The following SLC10A7 variants were observed in gnomAD, a reference collection of about 807,000 sequenced individuals.
The protein encoded by SLC10A7 is sodium/bile acid cotransporter 7.
In SLC10A7, 29 loss-of-function variants were observed where a neutral mutation model predicts 43.2. That is an observed-to-expected ratio of 0.67 (90% CI 0.50 to 0.92). The LOEUF (loss-of-function observed/expected upper bound fraction) is 0.92. Ranked by LOEUF, SLC10A7 falls within the 40% of genes least tolerant of loss-of-function variation. The pLI is 0.00. For missense variants in SLC10A7, 295 were observed against 403.2 expected, an observed-to-expected ratio of 0.73 and a Z score of 2.30; for synonymous variants, 152 against 144.8, an observed-to-expected ratio of 1.05 and a Z score of -0.35.
intron 6 of SLC10A7, among the ~76,000 whole-genome samples, chr4:146,315,073 G>A (rs1232557283): frequency 1.3e-5 from 2 of 152,084 alleles, no homozygotes; most frequent in African/African-American, 4.8e-5. Context: ...TGTAGTTGGG[G>A]AGAAAGTATA....
intron 10 of SLC10A7, among the ~76,000 whole-genome samples, chr4:146,279,961 T>C (rs933198997): frequency 1.3e-5 from 2 of 151,396 alleles, no homozygotes; most frequent in Non-Finnish European, 3.0e-5. Context: ...GAGATCGAGA[T>C]AGGGCAAAAG....
At chr4:146,263,482 G>T (rs1560743847) in intron 10 of SLC10A7, among the ~76,000 whole-genome samples, 1 of 150,564 alleles carries the variant, frequency 6.6e-6, no homozygotes, top group East Asian at 1.9e-4. Flanking sequence ...TTGTTAATTA[G>T]AAAAAAAAAG....
At chr4:146,464,343 A>G (rs1732815160) in intron 4 of SLC10A7, among the ~76,000 whole-genome samples, 1 of 152,212 alleles carries the variant, frequency 6.6e-6, no homozygotes, top group Non-Finnish European at 1.5e-5. Context: ...AAAAGGTTTG[A>G]AAAGATACAC....
intron 5 of SLC10A7, among the ~76,000 whole-genome samples, chr4:146,381,429 A>G (rs986466276): frequency 2.6e-5 from 4 of 151,912 alleles, no homozygotes; most frequent in African/African-American, 9.7e-5. Flanking sequence ...TTAATCACTC[A>G]TTTCCCCTTT....
intron 10 of SLC10A7, among the ~76,000 whole-genome samples, chr4:146,278,401 C>T (rs1157155723): frequency 6.6e-6 from 1 of 152,016 alleles, no homozygotes; most frequent in African/African-American, 2.4e-5. Context: ...AAATCAATTT[C>T]CTCTTGACAA....
At chr4:146,317,097 T>C (rs917768287) in intron 6 of SLC10A7, among the ~76,000 whole-genome samples, 16 of 152,114 alleles carry the variant, frequency 1.1e-4, no homozygotes, top group Non-Finnish European at 2.4e-4. Flanking sequence ...GCTACCTCTC[T>C]ACAAATAGAG....
At chr4:146,271,794 C>T (rs1728912886) in intron 10 of SLC10A7, among the ~76,000 whole-genome samples, 1 of 152,180 alleles carries the variant, frequency 6.6e-6, no homozygotes, top group Non-Finnish European at 1.5e-5. Flanking sequence ...CTCCAACATG[C>T]CAAGCGCACT....
At chr4:146,392,426 T>G (rs1241963803) in intron 5 of SLC10A7, among the ~76,000 whole-genome samples, 1 of 152,188 alleles carries the variant, frequency 6.6e-6, no homozygotes, top group Non-Finnish European at 1.5e-5. Context: ...TAGTGGGAGA[T>G]ATATATGTAT....
intron 5 of SLC10A7, among the ~76,000 whole-genome samples, chr4:146,414,186 C>T (rs762476613): frequency 2.0e-5 from 3 of 152,048 alleles, no homozygotes; most frequent in Non-Finnish European, 4.4e-5. Flanking sequence ...TCACATAGGG[C>T]CCTCCTCAAC....
In SLC10A7 at chr4:146,258,663, A is replaced by T. The variant is rs1728028157; in HGVS notation, c.993+29T>A. ...GGAACAGCATTTTAATCTAACTTGG[A>T]TCCAAATAAGATCTTTCTGGGGACT... is the stretch of plus-strand genomic sequence containing the variant. On this transcript the variant is annotated intron_variant, in intron 11 of 11. Coordinates refer to ENST00000335472, the MANE Select transcript of SLC10A7 (RefSeq NM_001029998.6). 7 of 1,563,116 alleles carry T rather than the reference A, an allele frequency of 4.5e-6. No homozygotes were observed. In the Middle Eastern group the frequency reaches 5.1e-4, roughly 114 times the overall value.
chr4:146,274,043 T>G (rs1729059072), intron 10 of SLC10A7, among the ~76,000 whole-genome samples: 1 of 152,104 alleles, frequency 6.6e-6, no homozygotes, highest in Admixed American at 6.6e-5. Context: ...TATATAAGGA[T>G]AACTTTCAAA....
intron 9 of SLC10A7, among the ~76,000 whole-genome samples, chr4:146,292,479 T>C (rs968003327): frequency 6.6e-6 from 1 of 152,094 alleles, no homozygotes; most frequent in African/African-American, 2.4e-5. Flanking sequence ...GGTGGTTCAC[T>C]AAAAATAAGG....
At chr4:146,389,814 A>G (rs564594069) in intron 5 of SLC10A7, among the ~76,000 whole-genome samples, 6 of 152,212 alleles carry the variant, frequency 3.9e-5, no homozygotes, top group Admixed American at 2.0e-4. Flanking sequence ...TGGGCAAATC[A>G]CTTAACTAGC....
At chr4:146,310,696 G>C (rs1731915590) in intron 6 of SLC10A7, among the ~76,000 whole-genome samples, 1 of 152,008 alleles carries the variant, frequency 6.6e-6, no homozygotes, top group African/African-American at 2.4e-5. Context: ...ACCCCTTGAT[G>C]TTGGTTTTAT....
chr4:146,360,847 A>C (rs1735994007), intron 5 of SLC10A7, among the ~76,000 whole-genome samples: 1 of 152,090 alleles, frequency 6.6e-6, no homozygotes, highest in Admixed American at 6.6e-5. Context: ...ACTAGGATTC[A>C]AAGCCTGGAA....
At chr4:146,261,621 TC>T (rs1728230242) in intron 10 of SLC10A7, among the ~76,000 whole-genome samples, 1 of 152,154 alleles carries the variant, frequency 6.6e-6, no homozygotes, top group Non-Finnish European at 1.5e-5. Context: ...AGAGAAGGGA[TC>T]CACGATCACT....
chr4:146,321,673 G>A (rs949394515), intron 6 of SLC10A7, among the ~76,000 whole-genome samples: 2 of 152,104 alleles, frequency 1.3e-5, no homozygotes, highest in African/African-American at 4.8e-5. Flanking sequence ...CTGGGCTCAA[G>A]TGATCCTCAC....
intron 6 of SLC10A7, among the ~76,000 whole-genome samples, chr4:146,323,776 C>T: frequency 6.6e-6 from 1 of 152,058 alleles, no homozygotes; most frequent in Non-Finnish European, 1.5e-5. Flanking sequence ...ACAGGGATGC[C>T]CTCTCTCACC....
intron 5 of SLC10A7, among the ~76,000 whole-genome samples, chr4:146,378,094 G>A (rs1014282485): frequency 6.6e-6 from 1 of 152,162 alleles, no homozygotes; most frequent in Non-Finnish European, 1.5e-5. Context: ...ATGCGTTTTA[G>A]GTGGAAAAGA....
Sources: allele counts gnomAD v4.1 joint callset (sites outside exome capture counted in the v4.1 genomes callset), GRCh38; gene constraint gnomAD v4.1.1; transcripts MANE v1.5; gene names NCBI Gene and HGNC (gene_info 2026-07-23, HGNC 2026-07-21).